POU2F2: variants seen among roughly 807,000 people sequenced by gnomAD.
POU2F2 encodes POU domain, class 2, transcription factor 2.
Under a neutral mutation model 63.5 loss-of-function variants are expected in POU2F2, and 14 were observed. The observed-to-expected ratio is 0.22, with a 90% confidence interval of 0.15 to 0.34. The LOEUF is 0.34. Among genes scored for constraint, POU2F2 ranks in the 10% least tolerant of loss-of-function variants. The pLI, the probability that POU2F2 is intolerant of heterozygous loss-of-function variation, is 1.00. For synonymous variants in POU2F2, 306 were observed against 348.6 expected (o/e 0.88, Z 1.36); for missense variants, 607 against 815.2 (o/e 0.74, Z 3.11).
chr19:42,150,459 C>A (rs995745670), intron 2 of POU2F2, among the ~76,000 whole-genome samples: 1 of 149,930 alleles, frequency 6.7e-6, no homozygotes, highest in African/African-American at 2.5e-5. Flanking sequence ...GAAGCAGGTT[C>A]GGAGGGGAGC....
intron 4 of POU2F2, among the ~76,000 whole-genome samples, chr19:42,119,763 C>CA (rs1041165827): frequency 5.1e-4 from 73 of 143,304 alleles, no homozygotes; most frequent in Admixed American, 1.7e-3. Flanking sequence ...GACTCCGTCT[C>CA]AAAAAAAAAA....
intron 5 of POU2F2, among the ~76,000 whole-genome samples, chr19:42,107,118 C>T (rs1228157518): frequency 2.0e-5 from 3 of 151,686 alleles, no homozygotes; most frequent in African/African-American, 4.8e-5. Flanking sequence ...AAGGCCAAGG[C>T]GGGCGAATCA....
upstream of POU2F2, among the ~76,000 whole-genome samples, chr19:42,197,410 C>T (rs1039815328): frequency 6.6e-6 from 1 of 152,182 alleles, no homozygotes; most frequent in Non-Finnish European, 1.5e-5. Flanking sequence ...TCCACCAGGC[C>T]TTGGCTGCTG....
intron 5 of POU2F2, among the ~76,000 whole-genome samples, chr19:42,108,046 C>A (rs560244391): frequency 6.6e-6 from 1 of 152,314 alleles, no homozygotes; most frequent in South Asian, 2.1e-4. Context: ...TCAAACGCCC[C>A]CTCCCTAGAG....
At chr19:42,131,337 T>C (rs2033710853) in intron 1 of POU2F2, among the ~76,000 whole-genome samples, 1 of 152,062 alleles carries the variant, frequency 6.6e-6, no homozygotes, top group Non-Finnish European at 1.5e-5. Flanking sequence ...ACTCAATAGA[T>C]ACATGTTGGT....
intron 1 of POU2F2, among the ~76,000 whole-genome samples, chr19:42,174,731 A>G (rs1323956856): frequency 6.6e-6 from 1 of 150,690 alleles, no homozygotes; most frequent in Non-Finnish European, 1.5e-5. Flanking sequence ...CTCTGTACCC[A>G]CCAGCCCCCC....
intron 1 of POU2F2, among the ~76,000 whole-genome samples, chr19:42,175,048 C>T (rs566224765): frequency 1.3e-5 from 2 of 152,120 alleles, no homozygotes; most frequent in African/African-American, 2.4e-5. Context: ...AATTTCCTCC[C>T]GTTTTCACTT....
At chr19:42,149,679 G>C (rs920353356) in intron 2 of POU2F2, among the ~76,000 whole-genome samples, 4 of 152,108 alleles carry the variant, frequency 2.6e-5, no homozygotes, top group African/African-American at 9.7e-5. Flanking sequence ...AGCAGAAAGA[G>C]AGACAAAGAA....
intron 1 of POU2F2, among the ~76,000 whole-genome samples, chr19:42,189,581 AAG>A (rs1451259180): frequency 3.3e-5 from 5 of 152,170 alleles, no homozygotes; most frequent in Non-Finnish European, 7.3e-5. Context: ...TTAAGTTAGC[AAG>A]AGTCGGTCTC....
chr19:42,091,815 G>T, intron 14 of POU2F2, 52 bp downstream of exon 14: 1 of 1,541,522 alleles, frequency 6.5e-7, no homozygotes, highest in Non-Finnish European at 8.7e-7. Flanking sequence ...AGGGCTCGAG[G>T]CCCCAGAGGA....
intron 2 of POU2F2, among the ~76,000 whole-genome samples, chr19:42,154,211 G>A (rs910737027): frequency 2.0e-5 from 3 of 152,022 alleles, no homozygotes; most frequent in East Asian, 1.9e-4. Flanking sequence ...GGGACAGGGA[G>A]GGGGAGCGAG....
intron 1 of POU2F2, among the ~76,000 whole-genome samples, chr19:42,192,124 G>T (rs765421271): frequency 6.6e-6 from 1 of 152,192 alleles, no homozygotes; most frequent in Admixed American, 6.5e-5. Flanking sequence ...TGGGATGAAG[G>T]TCACCAGAGA....
upstream of POU2F2, chr19:42,132,601 G>C (rs529474779): frequency 2.2e-6 from 1 of 458,568 alleles, no homozygotes; most frequent in East Asian, 3.5e-5. Context: ...ATGTGTGTGT[G>C]CTGGGGGGTG....
chr19:42,134,187 G>A (rs1482197051), upstream of POU2F2, among the ~76,000 whole-genome samples: 1 of 146,438 alleles, frequency 6.8e-6, no homozygotes, highest in Admixed American at 6.9e-5. Flanking sequence ...TGTTTTGGGG[G>A]GCTTGGAAAT....
At chr19:42,188,943 G>GGAAGGAAT (rs1555736794) in intron 1 of POU2F2, among the ~76,000 whole-genome samples, 28 of 151,160 alleles carry the variant, frequency 1.9e-4, no homozygotes, top group African/African-American at 6.4e-4. Context: ...AAGGAAGGAA[G>GGAAGGAAT]GAAGGAAGGG....
At chr19:42,194,564 G>C (rs2035108912) in intron 1 of POU2F2, among the ~76,000 whole-genome samples, 2 of 151,960 alleles carry the variant, frequency 1.3e-5, no homozygotes, top group Middle Eastern at 3.4e-3. Flanking sequence ...TTCGAGACCA[G>C]CCTGGCCAAC....
chr19:42,101,348 C>T (rs2077135178), intron 5 of POU2F2, among the ~76,000 whole-genome samples: 1 of 151,888 alleles, frequency 6.6e-6, no homozygotes, highest in South Asian at 2.1e-4. Context: ...GGGTCTTTGG[C>T]AGATGATCAA....
At chr19:42,099,967 G>A (rs996092913) in intron 5 of POU2F2, 146 bp from the exon 6 acceptor site, 36 of 672,292 alleles carry the variant, frequency 5.4e-5, no homozygotes, top group South Asian at 8.8e-5. Context: ...TCGTCCACTC[G>A]GTCTCTGAAT....
intron 4 of POU2F2, 143 bp downstream of exon 4, chr19:42,121,983 C>T: frequency 1.2e-6 from 1 of 867,356 alleles, no homozygotes; most frequent in African/African-American, 1.7e-5. Context: ...GGGTGGGAGC[C>T]CAAGAGTGAG....
Sources: gnomAD v4.1 joint callset for allele counts (sites outside exome capture counted in the v4.1 genomes callset) on GRCh38, gnomAD v4.1.1 for gene constraint, MANE v1.5 for transcripts, NCBI Gene and HGNC (gene_info 2026-07-23, HGNC 2026-07-21) for gene names.